Variants in ATP8A1 observed in about 807,000 individuals in gnomAD.
ATP8A1 encodes the protein phospholipid-transporting ATPase IA.
Under a neutral mutation model 177.7 loss-of-function variants are expected in ATP8A1, and 90 were observed. The observed-to-expected ratio is 0.51, with a 90% CI of 0.43 to 0.60. The LOEUF (loss-of-function observed/expected upper bound fraction) is 0.60. Ranked by LOEUF, ATP8A1 falls within the 20% of genes least tolerant of loss-of-function variation. The pLI is 0.00. For synonymous variants in ATP8A1, 493 were observed against 485.9 expected, an observed-to-expected ratio of 1.01 and a Z score of -0.19; for missense variants, 1,072 against 1,392.8, an observed-to-expected ratio of 0.77 and a Z score of 3.67.
intron 24 of ATP8A1, among the ~76,000 whole-genome samples, chr4:42,489,266 C>T (rs1340419014): frequency 6.6e-6 from 1 of 152,148 alleles, no homozygotes; most frequent in East Asian, 1.9e-4. Context: ...CAAAACAAGA[C>T]CGAAAGTCAA....
intron 5 of ATP8A1, among the ~76,000 whole-genome samples, chr4:42,601,625 A>G (rs983900496): frequency 6.6e-6 from 1 of 152,190 alleles, no homozygotes; most frequent in South Asian, 2.1e-4. Flanking sequence ...TAGGGAGAGA[A>G]ATATGTCAAG....
At chr4:42,575,774 TA>T (rs1000979514) in intron 12 of ATP8A1, 75 bp from the exon 13 acceptor site, 51 of 1,231,116 alleles carry the variant, frequency 4.1e-5, no homozygotes, top group Non-Finnish European at 5.6e-5. Context: ...AGAAAACAAT[TA>T]GTATATTCGT....
chr4:42,620,413 C>T (rs1003335521), intron 4 of ATP8A1, among the ~76,000 whole-genome samples: 2 of 152,026 alleles, frequency 1.3e-5, no homozygotes, highest in Non-Finnish European at 1.5e-5. Flanking sequence ...TCTAATAGTA[C>T]CTGATTATTA....
intron 5 of ATP8A1, among the ~76,000 whole-genome samples, chr4:42,601,371 A>G (rs1735252085): frequency 1.7e-5 from 1 of 59,664 alleles, no homozygotes; most frequent in Non-Finnish European, 4.5e-5. Context: ...GGTTTTCTGA[A>G]AAGAAAAAAA....
At chr4:42,573,621 A>G (rs1732123862) in intron 14 of ATP8A1, among the ~76,000 whole-genome samples, 1 of 152,228 alleles carries the variant, frequency 6.6e-6, no homozygotes, top group Admixed American at 6.5e-5. Context: ...TATAGTTTAT[A>G]GTCATTTTTA....
At chr4:42,581,278 T>C (rs752159996) in intron 10 of ATP8A1, among the ~76,000 whole-genome samples, 9 of 152,008 alleles carry the variant, frequency 5.9e-5, no homozygotes, top group East Asian at 1.9e-4. Flanking sequence ...GGATTACAGG[T>C]GTCCACTACC....
In ATP8A1 at chr4:42,479,503, C is replaced by A. The variant is rs1721433316; in HGVS notation, c.2324+5993G>T. On this transcript the variant is annotated intron_variant, in intron 25 of 36. Transcript: ENST00000381668. The stretch of plus-strand genomic sequence containing the variant: ...AGTAGGCTGACAGGTCAGAGAAATG[C>A]CATAGGTTCCACACATCATGTTCTT... Among the ~76,000 whole-genome samples, 4 of 152,178 alleles carry A rather than the reference C, an allele frequency of 2.6e-5. No homozygotes were observed. The South Asian group carries it at 8.3e-4, about 32-fold the overall frequency.
At chr4:42,596,867 G>T (rs1245183977) in intron 6 of ATP8A1, among the ~76,000 whole-genome samples, 1 of 152,100 alleles carries the variant, frequency 6.6e-6, no homozygotes, top group Non-Finnish European at 1.5e-5. Flanking sequence ...TGTGAACAGT[G>T]TTAGCTGCAC....
At chr4:42,464,643 A>C (rs1186478292) in intron 27 of ATP8A1, 47 bp downstream of exon 27, 1 of 1,127,612 alleles carries the variant, frequency 8.9e-7, no homozygotes, top group Admixed American at 2.3e-5. Flanking sequence ...AAATTTCTTT[A>C]AATATGTATG....
chr4:42,524,739 G>A (rs1248937518), intron 21 of ATP8A1, 24 bp downstream of exon 21: 5 of 1,477,464 alleles, frequency 3.4e-6, no homozygotes, highest in East Asian at 2.3e-5. Flanking sequence ...TTTTAATCAT[G>A]CTTTATTGCC....
In ATP8A1 at chr4:42,409,650, G is replaced by C. The variant is rs946689084; in HGVS notation, c.*3266C>G. On this transcript the variant is annotated 3_prime_UTR_variant, in exon 37 of 37. Coordinates refer to ENST00000381668, the MANE Select transcript of ATP8A1 (RefSeq NM_006095.2). ...GCACAAAAATAAACACGATTATTTA[G>C]CTTTGTAGTAATTATGACATTGTCA... 6.6e-6 allele frequency: 1 copy of C among 152,076 alleles called. No individual in the cohort carries two copies. 9.4% of individuals were successfully genotyped at this position (152,076 alleles called of 1,614,324 possible).
intron 22 of ATP8A1, 152 bp from the exon 23 acceptor site, chr4:42,507,306 A>G: frequency 1.2e-6 from 1 of 829,384 alleles, no homozygotes; most frequent in Non-Finnish European, 1.8e-6. Context: ...AGTTTTCTGA[A>G]ATATCCTTGA....
In ATP8A1 at chr4:42,626,698, C is replaced by T. The variant is rs192358257; in HGVS notation, c.164+297G>A. On this transcript the variant is annotated intron_variant, in intron 2 of 36. Coordinates refer to ENST00000381668, the MANE Select transcript of ATP8A1 (RefSeq NM_006095.2). ...TTGCTAACCAAAACCAGTAACGCAT[C>T]GCTCTATTAACAGGTTTAGGACAGA... 202 of 333,898 alleles carry T rather than the reference C, an allele frequency of 6.0e-4. 1 individual carries two copies. The highest frequency in any genetic ancestry group is 3.1e-3 in the African/African-American group (147 of 46,738). 20.7% of individuals were successfully genotyped at this position (333,898 alleles called of 1,614,324 possible). A position where few individuals can be genotyped will look rare whatever the true frequency, so the allele number is the denominator to read the frequency against.
At chr4:42,566,744 G>T (rs1389526400) in intron 15 of ATP8A1, among the ~76,000 whole-genome samples, 1 of 152,210 alleles carries the variant, frequency 6.6e-6, no homozygotes, top group Non-Finnish European at 1.5e-5. Flanking sequence ...TCCATAGGAT[G>T]TAATGTAACC....
chr4:42,549,868 T>C (rs574436350), intron 18 of ATP8A1, among the ~76,000 whole-genome samples: 74 of 152,268 alleles, frequency 4.9e-4, no homozygotes, highest in African/African-American at 1.7e-3. Context: ...AATACAACGA[T>C]GTTCAGCTAT....
intron 21 of ATP8A1, among the ~76,000 whole-genome samples, chr4:42,524,085 T>C (rs1726428274): frequency 6.6e-6 from 1 of 152,178 alleles, no homozygotes; most frequent in African/African-American, 2.4e-5. Flanking sequence ...CAAATTCTTG[T>C]AGTAACTGAC....
intron 5 of ATP8A1, among the ~76,000 whole-genome samples, chr4:42,613,746 A>G (rs967473953): frequency 6.6e-6 from 1 of 151,670 alleles, no homozygotes; most frequent in Non-Finnish European, 1.5e-5. Context: ...ACCACGCCCA[A>G]CTAATTTTTG....
chr4:42,459,548 C>A, intron 27 of ATP8A1: 1 of 327,692 alleles, frequency 3.1e-6, no homozygotes. Context: ...ATGAGAAGAA[C>A]ATATAAATAG....
chr4:42,606,026 C>G (rs548969364), intron 5 of ATP8A1, among the ~76,000 whole-genome samples: 48 of 152,294 alleles, frequency 3.2e-4, no homozygotes, highest in African/African-American at 1.0e-3. Flanking sequence ...CAAACATGGA[C>G]ATTCTTGTTT....
Sources: allele counts gnomAD v4.1 joint callset (sites outside exome capture counted in the v4.1 genomes callset), GRCh38; gene constraint gnomAD v4.1.1; transcripts MANE v1.5; gene names NCBI Gene and HGNC (gene_info 2026-07-23, HGNC 2026-07-21).